TCL1A: variants seen among roughly 807,000 people sequenced by gnomAD.
The protein encoded by TCL1A is T-cell leukemia/lymphoma protein 1A.
A neutral mutation model predicts 16.9 loss-of-function variants in TCL1A; 9 were observed. The ratio of observed to expected loss-of-function variants is 0.53; its 90% confidence interval spans 0.32 to 0.93. TCL1A has a LOEUF of 0.93. Among genes scored for constraint, TCL1A ranks in the 40% least tolerant of loss-of-function variants. The pLI is 0.04. For missense variants in TCL1A, 139 were observed against 153.0 expected (o/e 0.91, Z 0.48); for synonymous variants, 69 against 63.2 (o/e 1.09, Z -0.44).
intron 1 of TCL1A, 92 bp downstream of exon 1, chr14:95,713,855 A>C (rs988851650): frequency 1.3e-6 from 2 of 1,559,258 alleles, no homozygotes; most frequent in South Asian, 1.2e-5. Flanking sequence ...CCCCATAGTG[A>C]GTGCTCCTTG....
rs1293951570 is a variant in TCL1A, at chr14:95,712,265, G to T, written c.252C>A (p.Tyr84Ter). The T allele has an allele frequency of 6.2e-7, 1 of 1,614,142 alleles. No individual in the cohort carries two copies. Among genetic ancestry groups the T allele is most frequent in the Admixed American group, 1.7e-5 (1 of 60,020 alleles). ...GCCAGAAACTGGAGTCTGAGGATCG[G>T]TATCGTCCATCAGGGTAGAGCTGCC... ...IMWQLYPDGR[Y>*]RSSDSSFWRL... Residue 84 changes from tyrosine to a stop codon, truncating the protein, a stop_gained, in exon 2 of 4, where the codon TAC (tyrosine) becomes TAA (stop). Coordinates refer to ENST00000402399, the MANE Select transcript of TCL1A (RefSeq NM_021966.3). LOFTEE classifies it high-confidence loss of function.
At chr14:95,712,960 CAG>C (rs1886405225) in intron 1 of TCL1A, among the ~76,000 whole-genome samples, 1 of 152,130 alleles carries the variant, frequency 6.6e-6, no homozygotes, top group African/African-American at 2.4e-5. Flanking sequence ...AGAGATTTCT[CAG>C]AGATTTAAAA....
At chr14:95,713,580 G>C (rs534688397) in intron 1 of TCL1A, among the ~76,000 whole-genome samples, 2 of 152,184 alleles carry the variant, frequency 1.3e-5, no homozygotes, top group South Asian at 2.1e-4. Flanking sequence ...TAAAAATACA[G>C]ATTTCTGGGA....
chr14:95,712,612 C>A (rs1886389486), intron 1 of TCL1A: 3 of 1,487,422 alleles, frequency 2.0e-6, no homozygotes, highest in Non-Finnish European at 2.7e-6. Context: ...CCAGCACACA[C>A]ACGTGTCTAG....
At position 95,711,573 on chromosome 14, in the gene TCL1A, G is replaced by A. The variant is rs968766830; in HGVS notation, c.*6+176C>T. On this transcript the variant is annotated intron_variant, in intron 3 of 3. Transcript: ENST00000402399. ...AAGGGGGCTGCCTACAAAGCCCTTG[G>A]CTCCCGAAGTGGTAAGGGAGACATG... The A allele has an allele frequency of 6.7e-5, 42 of 629,046 alleles. No homozygotes were observed. In the African/African-American group the frequency reaches 6.8e-4, roughly 10 times the overall value. The allele number at this position is 629,046 out of a possible 1,614,324, so 39.0% of individuals were successfully genotyped here. A position where few individuals can be genotyped will look rare whatever the true frequency, so the allele number is the denominator to read the frequency against.
In TCL1A at chr14:95,714,094, G is replaced by C. The variant is rs773625180; in HGVS notation, c.-28C>G. ...CGTCCTCGGGCCGCCTAAGAAGCAA[G>C]AGCCAGAGCCTCTCAAGGCCGCTCG... On this transcript the variant is annotated 5_prime_UTR_variant, in exon 1 of 4. Coordinates refer to ENST00000402399, the MANE Select transcript of TCL1A (RefSeq NM_021966.3). The C allele has an allele frequency of 2.4e-5, 38 of 1,611,718 alleles. No individual in the cohort carries two copies. The African/African-American group carries it at 3.6e-4, about 15-fold the overall frequency.
At chr14:95,712,972 A>C (rs980566174) in intron 1 of TCL1A, among the ~76,000 whole-genome samples, 1 of 152,172 alleles carries the variant, frequency 6.6e-6, no homozygotes, top group African/African-American at 2.4e-5. Context: ...GAGATTTAAA[A>C]AAAGAAATCC....
At chr14:95,711,823 G>GA (rs1886363456) in intron 2 of TCL1A, 21 bp from the exon 3 acceptor site, 20 of 1,605,194 alleles carry the variant, frequency 1.2e-5, no homozygotes, top group Non-Finnish European at 1.6e-5. Context: ...GAGAGAGAGA[G>GA]AAGGCATTGA....
Position 95,711,810 on chromosome 14 carries a change from G to A in TCL1A, c.298-8C>T. The A allele has an allele frequency of 6.2e-7, 1 of 1,609,718 alleles. No homozygotes were observed. Among genetic ancestry groups the A allele is most frequent in the South Asian group, 1.1e-5 (1 of 90,818 alleles). On this transcript the variant is annotated splice_polypyrimidine_tract_variant and splice_region_variant and intron_variant, in intron 2 of 3. Coordinates refer to ENST00000402399, the MANE Select transcript of TCL1A (RefSeq NM_021966.3). ...GTCCTCCACGCCGTCAATCTGAGAG[G>A]CAGAGAGAGAGAGAAGGCATTGATC...
rs778810255 is a variant in TCL1A at position 95,711,806 on chromosome 14, A to T, written c.298-4T>A. 6.2e-7 allele frequency: 1 copy of T among 1,609,980 alleles called. No homozygotes were observed. On this transcript the variant is annotated splice_polypyrimidine_tract_variant and splice_region_variant and intron_variant, in intron 2 of 3. Transcript: ENST00000402399. ...GCATGTCCTCCACGCCGTCAATCTG[A>T]GAGGCAGAGAGAGAGAGAAGGCATT...
At chr14:95,713,127 C>A (rs1434085237) in intron 1 of TCL1A, among the ~76,000 whole-genome samples, 1 of 152,062 alleles carries the variant, frequency 6.6e-6, no homozygotes, top group African/African-American at 2.4e-5. Flanking sequence ...GAATTCCAAC[C>A]CCATTACCTA....
chr14:95,714,091 C>T lies in TCL1A; in HGVS notation c.-25G>A, dbSNP rs369144655. On this transcript the variant is annotated 5_prime_UTR_variant, in exon 1 of 4. Transcript: ENST00000402399. ...TGGCGTCCTCGGGCCGCCTAAGAAG[C>T]AAGAGCCAGAGCCTCTCAAGGCCGC... 3.7e-6 allele frequency: 6 copies of T among 1,612,018 alleles called. No individual in the cohort carries two copies. In the African/African-American group the frequency reaches 6.7e-5, roughly 18 times the overall value.
chr14:95,711,510 A>C, intron 3 of TCL1A: 2 of 457,430 alleles, frequency 4.4e-6, no homozygotes, highest in Non-Finnish European at 7.8e-6. Flanking sequence ...GCCAGCTGAA[A>C]CTTGTGAAGT....
chr14:95,712,862 A>T (rs1219003791), intron 1 of TCL1A: 5 of 368,482 alleles, frequency 1.4e-5, no homozygotes, highest in African/African-American at 1.1e-4. Flanking sequence ...TCTGTCCCAC[A>T]GTTTGCTAGT....
At chr14:95,713,900 A>G (rs758951029) in intron 1 of TCL1A, 47 bp downstream of exon 1, 1 of 1,606,512 alleles carries the variant, frequency 6.2e-7, no homozygotes, top group Middle Eastern at 1.7e-4. Context: ...CCAAGCTCCC[A>G]GGGGCTGCCC....
chr14:95,711,393 C>A (rs534614475), intron 3 of TCL1A: 2 of 168,080 alleles, frequency 1.2e-5, no homozygotes, highest in South Asian at 1.9e-4. Context: ...GGTGTGAACC[C>A]GGGAGGCAGA....
chr14:95,713,902 G>A (rs1161947479), intron 1 of TCL1A, 45 bp downstream of exon 1: 1 of 1,607,110 alleles, frequency 6.2e-7, no homozygotes, highest in Admixed American at 1.7e-5. Context: ...AAGCTCCCAG[G>A]GGCTGCCCCT....
At chr14:95,711,518 A>C in intron 3 of TCL1A, 2 of 470,240 alleles carry the variant, frequency 4.3e-6, no homozygotes, top group South Asian at 8.1e-5. Context: ...AAACTTGTGA[A>C]GTACTTTATA....
Position 95,712,359 on chromosome 14 carries a change from C to T in TCL1A, c.158G>A (p.Arg53Gln), listed in dbSNP as rs755719496. Reference protein sequence around the residue: ...DRLQLRVLLRREDVVLGRPMT... With the variant: ...DRLQLRVLLRQEDVVLGRPMT... ...AGGCCTCCCCAGGACGACGTCTTCC[C>T]GACGCAAGAGCACCCGTAACTGTAA... The change falls in exon 2 of 4, where the codon CGG becomes CAG. Residue 53 changes from arginine to glutamine, a missense_variant. Coordinates refer to ENST00000402399, the MANE Select transcript of TCL1A (RefSeq NM_021966.3). The T allele has an allele frequency of 1.5e-5, 24 of 1,613,340 alleles. No homozygotes were observed. Among genetic ancestry groups the T allele is most frequent in the East Asian group, 2.2e-5 (1 of 44,846 alleles).
Sources: allele counts gnomAD v4.1 joint callset (sites outside exome capture counted in the v4.1 genomes callset), GRCh38; gene constraint gnomAD v4.1.1; transcripts MANE v1.5; gene names NCBI Gene and HGNC (gene_info 2026-07-23, HGNC 2026-07-21).